Variants in ESR1 observed in about 807,000 individuals in gnomAD.
ESR1 encodes the protein estrogen receptor.
A neutral mutation model predicts 52.7 loss-of-function variants in ESR1; 12 were observed. The observed-to-expected ratio is 0.23, with a 90% confidence interval of 0.15 to 0.37. ESR1 has a LOEUF of 0.37. Ranked by LOEUF, ESR1 falls within the 10% of genes least tolerant of loss-of-function variation. The pLI is 1.00. For synonymous variants in ESR1, 305 were observed against 316.8 expected (o/e 0.96, Z 0.39); for missense variants, 584 against 779.7 (o/e 0.75, Z 2.99).
chr6:152,027,946 A>G (rs2044299467), intron 5 of ESR1, among the ~76,000 whole-genome samples: 1 of 152,118 alleles, frequency 6.6e-6, no homozygotes, highest in South Asian at 2.1e-4. Context: ...GATTGAGACC[A>G]TCCTGGATAA....
intron 3 of ESR1, among the ~76,000 whole-genome samples, chr6:151,916,125 T>A (rs1008052483): frequency 7.2e-5 from 11 of 152,108 alleles, no homozygotes; most frequent in African/African-American, 2.7e-4. Flanking sequence ...TGAGAATGAA[T>A]AATGGAATTC....
At chr6:152,107,676 T>G, downstream of ESR1, among the ~76,000 whole-genome samples, 1 of 152,232 alleles carries the variant, frequency 6.6e-6, no homozygotes, top group East Asian at 1.9e-4. Flanking sequence ...GTCCTAATTT[T>G]TATTGAAAAC....
chr6:151,780,748 T>C (rs1204926378), intron 2 of ESR1, among the ~76,000 whole-genome samples: 1 of 152,224 alleles, frequency 6.6e-6, no homozygotes, highest in Non-Finnish European at 1.5e-5. Context: ...ATTCTCCTCA[T>C]TCTCAGGAGA....
chr6:152,091,418 C>T (rs964687857), intron 6 of ESR1, among the ~76,000 whole-genome samples: 1 of 152,178 alleles, frequency 6.6e-6, no homozygotes, highest in Admixed American at 6.5e-5. Flanking sequence ...GAAAAACAGG[C>T]TTGTTCTGCA....
chr6:151,774,927 A>G (rs1785829963), intron 2 of ESR1, among the ~76,000 whole-genome samples: 1 of 152,250 alleles, frequency 6.6e-6, no homozygotes, highest in Admixed American at 6.5e-5. Flanking sequence ...CATTTGTCAG[A>G]TTTCACTTTT....
At chr6:152,009,729 G>T (rs558863018) in intron 4 of ESR1, among the ~76,000 whole-genome samples, 2 of 152,058 alleles carry the variant, frequency 1.3e-5, no homozygotes, top group South Asian at 2.1e-4. Flanking sequence ...CTACTCTTAC[G>T]TATTTAACCA....
intron 4 of ESR1, among the ~76,000 whole-genome samples, chr6:151,972,955 G>C (rs1488625170): frequency 6.6e-6 from 1 of 152,206 alleles, no homozygotes; most frequent in Non-Finnish European, 1.5e-5. Context: ...ATGTAGGCCA[G>C]AAGACTAAAC....
chr6:151,938,678 T>C (rs960089652), intron 3 of ESR1, among the ~76,000 whole-genome samples: 3 of 152,190 alleles, frequency 2.0e-5, no homozygotes, highest in Non-Finnish European at 4.4e-5. Context: ...TGCCTGAGTT[T>C]ATTGTTTTAA....
At chr6:152,072,239 G>C (rs2048411327) in intron 6 of ESR1, among the ~76,000 whole-genome samples, 1 of 152,180 alleles carries the variant, frequency 6.6e-6, no homozygotes, top group Non-Finnish European at 1.5e-5. Flanking sequence ...TTCATTTTAA[G>C]TTTTGTGACC....
rs9340870 is a variant in ESR1, at chr6:151,905,135, C to T, written c.760+24364C>T. ...AATAAAAACACTCCAATGAACCACC[C>T]AGGTTTTATTAAAGAGTAGAGAACT... is the stretch of plus-strand genomic sequence containing the variant. On this transcript the variant is annotated intron_variant, in intron 3 of 7. Transcript: ENST00000206249. Among the ~76,000 whole-genome samples, 52 of 152,206 alleles carry T rather than the reference C, an allele frequency of 3.4e-4. No individual in the cohort carries two copies. In the East Asian group the frequency reaches 7.5e-3, roughly 22 times the overall value.
chr6:151,719,337 G>A (rs1562353706), intron 2 of ESR1, among the ~76,000 whole-genome samples: 1 of 152,230 alleles, frequency 6.6e-6, no homozygotes, highest in Non-Finnish European at 1.5e-5. Context: ...GATTGGCTGT[G>A]TGGGTGTGGA....
rs2152524493 is a variant in ESR1, at chr6:152,122,454, A to G, written c.851-2812A>G. On this transcript the variant is annotated intron_variant, in intron 6 of 6. Transcript: ENST00000427531. ...GCTTAGTTCAGAGTGGAGGAGGGCC[A>G]TTCGTGTATCTGAGCATGGGGTGGA... 1 of 1,614,154 alleles carries G rather than the reference A, an allele frequency of 6.2e-7. No homozygotes were observed. Among genetic ancestry groups the G allele is most frequent in the Non-Finnish European group, 8.5e-7 (1 of 1,180,030 alleles).
At chr6:151,780,169 T>C (rs1786412274) in intron 2 of ESR1, among the ~76,000 whole-genome samples, 1 of 151,614 alleles carries the variant, frequency 6.6e-6, no homozygotes, top group African/African-American at 2.4e-5. Context: ...AGAACATATT[T>C]GCACAGGGAG....
intron 6 of ESR1, among the ~76,000 whole-genome samples, chr6:152,120,966 T>C (rs1217778798): frequency 6.6e-6 from 1 of 152,040 alleles, no homozygotes; most frequent in Non-Finnish European, 1.5e-5. Flanking sequence ...GGTTTACAAG[T>C]ACAAAGAGGA....
intron 3 of ESR1, among the ~76,000 whole-genome samples, chr6:151,918,581 T>A (rs2030883854): frequency 6.6e-6 from 1 of 152,222 alleles, no homozygotes; most frequent in African/African-American, 2.4e-5. Context: ...GTGGTAGACA[T>A]GCTAGTGGAT....
At chr6:151,841,872 T>A (rs563280803) in intron 1 of ESR1, among the ~76,000 whole-genome samples, 184 of 152,134 alleles carry the variant, frequency 1.2e-3, no homozygotes, top group Admixed American at 1.6e-3. Flanking sequence ...ATCACCATTC[T>A]CAGCTAATTT....
chr6:151,869,073 G>A (rs1232233132), intron 2 of ESR1, among the ~76,000 whole-genome samples: 1 of 128,952 alleles, frequency 7.8e-6, no homozygotes, highest in East Asian at 2.3e-4. Flanking sequence ...TGGGAAGGCA[G>A]GGCAGTAAGC....
chr6:151,898,951 G>A (rs1486600264), intron 3 of ESR1, among the ~76,000 whole-genome samples: 2 of 152,004 alleles, frequency 1.3e-5, no homozygotes, highest in African/African-American at 4.8e-5. Context: ...GGGCAGAGCG[G>A]CTCCTCACTT....
intron 3 of ESR1, among the ~76,000 whole-genome samples, chr6:151,937,349 C>CA (rs1180578628): frequency 6.6e-6 from 1 of 152,162 alleles, no homozygotes; most frequent in Non-Finnish European, 1.5e-5. Flanking sequence ...CAAGAGTTTT[C>CA]AGAGTATAGT....
Sources: allele counts gnomAD v4.1 joint callset (sites outside exome capture counted in the v4.1 genomes callset), GRCh38; gene constraint gnomAD v4.1.1; transcripts MANE v1.5; gene names NCBI Gene and HGNC (gene_info 2026-07-23, HGNC 2026-07-21).